Variants in NAV3 observed in about 807,000 individuals in gnomAD.
NAV3 encodes the protein neuron navigator 3, also known as pore membrane and/or filament interacting like protein 1.
Under a neutral mutation model 244.7 loss-of-function variants are expected in NAV3, and 87 were observed. The observed-to-expected ratio is 0.36, with a 90% CI of 0.30 to 0.42. The LOEUF (loss-of-function observed/expected upper bound fraction) is 0.42. NAV3 is among the 20% of genes least tolerant of loss of function. The pLI, the probability that NAV3 is intolerant of heterozygous loss-of-function variation, is 1.00. For missense variants in NAV3, 2,663 were observed against 2,893.3 expected, an observed-to-expected ratio of 0.92 and a Z score of 1.83; for synonymous variants, 1,126 against 1,042.2, an observed-to-expected ratio of 1.08 and a Z score of -1.55.
intron 21 of NAV3, among the ~76,000 whole-genome samples, chr12:78,146,878 A>G (rs1427986157): frequency 2.0e-5 from 3 of 152,204 alleles, no homozygotes; most frequent in South Asian, 4.1e-4. Flanking sequence ...TTCTAATCAC[A>G]TATTTCACAA....
At chr12:78,012,264 T>C (rs889419702) in intron 8 of NAV3, among the ~76,000 whole-genome samples, 2 of 152,074 alleles carry the variant, frequency 1.3e-5, no homozygotes, top group African/African-American at 4.8e-5. Flanking sequence ...TGTCTCCTAG[T>C]CCAAGCCACA....
At chr12:77,682,519 A>G (rs1874519851) in intron 2 of NAV3, among the ~76,000 whole-genome samples, 1 of 152,210 alleles carries the variant, frequency 6.6e-6, no homozygotes, top group South Asian at 2.1e-4. Context: ...GTATATATCC[A>G]GTAATAGAAA....
At chr12:78,000,978 A>C (rs79623449) in intron 7 of NAV3, among the ~76,000 whole-genome samples, 1 of 154 alleles carries the variant, frequency 6.5e-3, no homozygotes, top group Non-Finnish European at 0.056. Flanking sequence ...ACTGGGTCTA[A>C]AAAAAAAAAA....
Position 78,188,663 on chromosome 12 carries a change from A to G in NAV3, c.5941A>G (p.Ile1981Val), listed in dbSNP as rs1229142205. ...TAGCCTTGGTCTGAGCTCTGACTGC[A>G]TTGCTAGCTACTGTATAGGAGACTT... ...STSLGLSSDC[I>V]ASYCIGDLIR... The change falls in exon 33 of 40, where the codon ATT (isoleucine) becomes GTT (valine). Residue 1981 changes from isoleucine (I) to valine (V), a missense_variant. Transcript: ENST00000397909. 1 of 1,612,310 alleles carries G rather than the reference A, an allele frequency of 6.2e-7. No individual in the cohort carries two copies. Among genetic ancestry groups the G allele is most frequent in the Non-Finnish European group, 8.5e-7 (1 of 1,178,976 alleles).
At chr12:77,769,933 AT>A (rs900890501) in intron 2 of NAV3, among the ~76,000 whole-genome samples, 5 of 152,012 alleles carry the variant, frequency 3.3e-5, no homozygotes, top group African/African-American at 9.7e-5. Flanking sequence ...TAACTAGGAT[AT>A]TTTTTTTCTT....
In NAV3 at chr12:78,026,730, CTTCTTT is replaced by C. The variant is rs1211034337; in HGVS notation, c.2023+4871_2023+4876del. Among the ~76,000 whole-genome samples, 92 of 152,112 alleles carry C rather than the reference CTTCTTT, an allele frequency of 6.0e-4. 1 individual carries two copies. The highest frequency in any genetic ancestry group is 1.9e-3 in the African/African-American group (80 of 41,500). On this transcript the variant is annotated intron_variant, in intron 9 of 39. Coordinates refer to ENST00000397909, the MANE Select transcript of NAV3 (RefSeq NM_001024383.2). ...AAAATATATCCAGAATTTGCCAGTT[CTTCTTT>C]TTTCTACTTTTATCTATTAAGTGGC...
chr12:77,859,977 G>C lies in NAV3; in HGVS notation c.243+28273G>C, dbSNP rs1879019751. On this transcript the variant is annotated intron_variant, in intron 1 of 39. Coordinates refer to ENST00000397909, the MANE Select transcript of NAV3 (RefSeq NM_001024383.2). ...AAGTTGCATCAACTTCTGGTAGTAAGTAAAGCACAATTAAAATATTTCCCT... is the reference window on the plus strand; with the variant it reads ...AAGTTGCATCAACTTCTGGTAGTAACTAAAGCACAATTAAAATATTTCCCT... Among the ~76,000 whole-genome samples the C allele has an allele frequency of 1.3e-5, 2 of 151,862 alleles. 1 individual carries two copies. Among genetic ancestry groups the C allele is most frequent in the South Asian group, 4.1e-4 (2 of 4,820 alleles).
intron 12 of NAV3, among the ~76,000 whole-genome samples, chr12:78,087,845 G>A (rs1953715939): frequency 6.6e-6 from 1 of 151,686 alleles, no homozygotes; most frequent in Non-Finnish European, 1.5e-5. Flanking sequence ...TATAATAATA[G>A]CAAATTATAG....
chr12:77,791,594 A>G (rs1276938005), intron 2 of NAV3, among the ~76,000 whole-genome samples: 1 of 152,180 alleles, frequency 6.6e-6, no homozygotes, highest in Admixed American at 6.5e-5. Context: ...ATTTTACAGA[A>G]GAGGAACTGA....
chr12:77,874,148 C>G (rs549786211), intron 1 of NAV3, among the ~76,000 whole-genome samples: 47 of 152,080 alleles, frequency 3.1e-4, no homozygotes, highest in Admixed American at 1.2e-3. Context: ...GAAACTGGTC[C>G]CTGGTGCCAA....
intron 2 of NAV3, among the ~76,000 whole-genome samples, chr12:77,629,417 G>C (rs1871786713): frequency 6.6e-6 from 1 of 152,160 alleles, no homozygotes; most frequent in Non-Finnish European, 1.5e-5. Flanking sequence ...ACATTTTTAA[G>C]CTGACCTGGC....
chr12:78,160,098 G>A (rs993830832), intron 23 of NAV3, among the ~76,000 whole-genome samples: 1 of 152,058 alleles, frequency 6.6e-6, no homozygotes, highest in African/African-American at 2.4e-5. Context: ...AGAACTAGTT[G>A]CCATCTAGGG....
intron 22 of NAV3, among the ~76,000 whole-genome samples, chr12:78,149,442 T>A (rs1042561420): frequency 6.6e-6 from 1 of 152,086 alleles, no homozygotes; most frequent in African/African-American, 2.4e-5. Context: ...TTTAAAAGGG[T>A]ACACTTTTAC....
intron 2 of NAV3, among the ~76,000 whole-genome samples, chr12:77,824,906 C>T (rs1872909772): frequency 8.6e-6 from 1 of 116,080 alleles, no homozygotes; most frequent in Admixed American, 8.2e-5. Context: ...ACAACAACAA[C>T]AACAACAACA....
chr12:77,687,964 G>A (rs1320133673), intron 2 of NAV3, among the ~76,000 whole-genome samples: 1 of 151,944 alleles, frequency 6.6e-6, no homozygotes, highest in Non-Finnish European at 1.5e-5. Flanking sequence ...AAAATTGTTA[G>A]CATTTTGTAT....
At chr12:77,806,151 G>C (rs1181483510) in intron 2 of NAV3, among the ~76,000 whole-genome samples, 1 of 151,884 alleles carries the variant, frequency 6.6e-6, no homozygotes, top group East Asian at 1.9e-4. Flanking sequence ...AAGGGTTTTT[G>C]TGTCTCTATC....
intron 3 of NAV3, among the ~76,000 whole-genome samples, chr12:77,942,634 A>G (rs1369235529): frequency 6.6e-6 from 1 of 152,168 alleles, no homozygotes; most frequent in Non-Finnish European, 1.5e-5. Flanking sequence ...GAAGACATTT[A>G]GACCTTGATA....
intron 12 of NAV3, among the ~76,000 whole-genome samples, chr12:78,074,023 G>A (rs1220907774): frequency 6.6e-6 from 1 of 152,178 alleles, no homozygotes; most frequent in Non-Finnish European, 1.5e-5. Flanking sequence ...TGTCTTAAAT[G>A]TAGAAATATG....
chr12:78,047,990 C>CT (rs1882113715), intron 9 of NAV3, among the ~76,000 whole-genome samples: 2 of 152,234 alleles, frequency 1.3e-5, no homozygotes, highest in African/African-American at 4.8e-5. Flanking sequence ...TCCTTCCCCT[C>CT]TATCTATTTG....
Sources: gnomAD v4.1 joint callset for allele counts (sites outside exome capture counted in the v4.1 genomes callset) on GRCh38, gnomAD v4.1.1 for gene constraint, MANE v1.5 for transcripts, NCBI Gene and HGNC (gene_info 2026-07-23, HGNC 2026-07-21) for gene names.